Variants in PPFIA1 observed in about 807,000 individuals in gnomAD.
PPFIA1 encodes liprin-alpha-1.
Under a neutral mutation model 149.9 loss-of-function variants are expected in PPFIA1, and 25 were observed. The observed-to-expected ratio is 0.17, with a 90% CI of 0.12 to 0.23. The LOEUF is 0.23. Among genes scored for constraint, PPFIA1 ranks in the 10% least tolerant of loss-of-function variants. PPFIA1 has a pLI of 1.00. For synonymous variants in PPFIA1, 549 were observed against 552.8 expected (o/e 0.99, Z 0.10); for missense variants, 1,362 against 1,506.5 (o/e 0.90, Z 1.59).
intron 21 of PPFIA1, among the ~76,000 whole-genome samples, chr11:70,366,677 G>C (rs569083370): frequency 6.6e-6 from 1 of 152,260 alleles, no homozygotes; most frequent in East Asian, 1.9e-4. Flanking sequence ...AGGCTTTCCC[G>C]AATGGACTGT....
At chr11:70,369,997 G>A (rs1231701147) in intron 21 of PPFIA1, among the ~76,000 whole-genome samples, 2 of 151,532 alleles carry the variant, frequency 1.3e-5, no homozygotes, top group Non-Finnish European at 2.9e-5. Context: ...CTGCTGCCCA[G>A]GCTGGAGTGC....
intron 2 of PPFIA1, chr11:70,282,435 A>G (rs945559347): frequency 4.0e-5 from 6 of 151,294 alleles, no homozygotes; most frequent in Non-Finnish European, 5.9e-5. Context: ...AGTAGCTACC[A>G]CTACAGGCAT....
chr11:70,321,324 G>A (rs926998323), intron 2 of PPFIA1: 1 of 152,182 alleles, frequency 6.6e-6, no homozygotes, highest in African/African-American at 2.4e-5. Context: ...GTTAGTTACA[G>A]CAGCCTGAAT....
chr11:70,370,624 G>T (rs2057186863), intron 21 of PPFIA1, among the ~76,000 whole-genome samples: 1 of 152,006 alleles, frequency 6.6e-6, no homozygotes, highest in South Asian at 2.1e-4. Flanking sequence ...CTGACCAAAG[G>T]TGATCCGCCT....
chr11:70,309,930 A>G (rs1158762066), intron 2 of PPFIA1, among the ~76,000 whole-genome samples: 1 of 152,186 alleles, frequency 6.6e-6, no homozygotes, highest in Non-Finnish European at 1.5e-5. Context: ...GATAGTGGTA[A>G]TGGTAACACA....
chr11:70,332,652 G>T (rs1352807133), intron 9 of PPFIA1, among the ~76,000 whole-genome samples: 1 of 152,236 alleles, frequency 6.6e-6, no homozygotes, highest in African/African-American at 2.4e-5. Flanking sequence ...CCCCATTCAT[G>T]AGGGAAGCAG....
chr11:70,306,366 A>T (rs926248062), intron 2 of PPFIA1, among the ~76,000 whole-genome samples: 1 of 152,206 alleles, frequency 6.6e-6, no homozygotes, highest in Admixed American at 6.5e-5. Context: ...CCTTTGACGC[A>T]GCAGGTTCAT....
intron 2 of PPFIA1, among the ~76,000 whole-genome samples, chr11:70,279,476 G>T (rs2050610936): frequency 6.6e-6 from 1 of 152,074 alleles, no homozygotes; most frequent in Admixed American, 6.5e-5. Flanking sequence ...TGGTGGCCTG[G>T]TTCCTAATCA....
chr11:70,331,896 A>G (rs1278653236), intron 8 of PPFIA1, 64 bp from the exon 9 acceptor site: 16 of 1,517,056 alleles, frequency 1.1e-5, no homozygotes, highest in Admixed American at 8.2e-5. Flanking sequence ...GTTTGTTTCA[A>G]TCTGTTAAAA....
intron 2 of PPFIA1, among the ~76,000 whole-genome samples, chr11:70,294,216 A>C (rs890245980): frequency 6.6e-5 from 10 of 152,034 alleles, no homozygotes; most frequent in Non-Finnish European, 1.2e-4. Context: ...TGCTGGGATG[A>C]CAGGTGCGAG....
At chr11:70,275,144 T>C (rs890168347) in intron 2 of PPFIA1, among the ~76,000 whole-genome samples, 6 of 152,204 alleles carry the variant, frequency 3.9e-5, no homozygotes, top group African/African-American at 1.4e-4. Context: ...TGGTGGCTGT[T>C]AGCTGGTAGG....
rs564063441 is a variant in PPFIA1, at chr11:70,311,170, G to A, written c.265-13232G>A. Among the ~76,000 whole-genome samples, 10 of 152,206 alleles carry A rather than the reference G, an allele frequency of 6.6e-5. 1 individual carries two copies. The highest frequency in any genetic ancestry group is 3.4e-3 in the Middle Eastern group (1 of 294). The stretch of plus-strand genomic sequence containing the variant: ...ACTAAAAATACAAAATTAGCCAGGC[G>A]TGGTGGTGCATGCCTGTAATCCCAG... On this transcript the variant is annotated intron_variant, in intron 2 of 27. Coordinates refer to ENST00000253925, the MANE Select transcript of PPFIA1 (RefSeq NM_003626.5).
At chr11:70,358,336 C>T (rs1240567088) in intron 19 of PPFIA1, 2 of 152,226 alleles carry the variant, frequency 1.3e-5, no homozygotes, top group Non-Finnish European at 2.9e-5. Flanking sequence ...ATTCTCCTGC[C>T]TCAGCCTCCC....
At chr11:70,339,031 G>T in intron 13 of PPFIA1, 140 bp from the exon 14 acceptor site, 1 of 963,110 alleles carries the variant, frequency 1.0e-6, no homozygotes. Flanking sequence ...TAGCTCTTGG[G>T]GCAGATGAGA....
In PPFIA1 at chr11:70,335,544, T is replaced by C; in HGVS notation, c.1297-19T>C. ...AGGATTTACGTGAGGTTTATAAGAC[T>C]TTGTTTCTCCTGCTTTAGGCAAGGC... On this transcript the variant is annotated intron_variant, in intron 10 of 27. Transcript: ENST00000253925. 2 of 1,612,138 alleles carry C rather than the reference T, an allele frequency of 1.2e-6. No homozygotes were observed. The highest frequency in any genetic ancestry group is 8.5e-7 in the Non-Finnish European group (1 of 1,179,072).
intron 19 of PPFIA1, among the ~76,000 whole-genome samples, chr11:70,360,498 T>G (rs1565446224): frequency 6.6e-6 from 1 of 152,232 alleles, no homozygotes; most frequent in Non-Finnish European, 1.5e-5. Flanking sequence ...TTAACCAGAT[T>G]GTTAGCGTTC....
intron 24 of PPFIA1, chr11:70,375,621 CTACAAAAAAA>C (rs2057459202): frequency 6.6e-6 from 1 of 151,848 alleles, no homozygotes. Flanking sequence ...AGCTCTGTCT[CTACAAAAAAA>C]TACAAAAAAA....
Position 70,272,442 on chromosome 11 carries a change from A to G in PPFIA1, c.264+6A>G, listed in dbSNP as rs766148421. 1 of 1,595,996 alleles carries G rather than the reference A, an allele frequency of 6.3e-7. No individual in the cohort carries two copies. Among genetic ancestry groups the G allele is most frequent in the East Asian group, 2.2e-5 (1 of 44,628 alleles). On this transcript the variant is annotated splice_donor_region_variant and intron_variant, in intron 2 of 27. Transcript: ENST00000253925. Reference sequence around the variant, plus strand: ...TCAACACGGCACTTCCACAGGTATGAGTGCTTTTAACCTGAAACTATAGAT... The same window carrying G: ...TCAACACGGCACTTCCACAGGTATGGGTGCTTTTAACCTGAAACTATAGAT...
At chr11:70,287,717 C>T (rs138868617) in intron 2 of PPFIA1, among the ~76,000 whole-genome samples, 104 of 151,804 alleles carry the variant, frequency 6.9e-4, no homozygotes, top group African/African-American at 2.5e-3. Flanking sequence ...AATCACAGCT[C>T]ACCGTATTCT....
Sources: gnomAD v4.1 joint callset for allele counts (sites outside exome capture counted in the v4.1 genomes callset) on GRCh38, gnomAD v4.1.1 for gene constraint, MANE v1.5 for transcripts, NCBI Gene and HGNC (gene_info 2026-07-23, HGNC 2026-07-21) for gene names.